The following NRXN3 variants were observed in gnomAD, a reference collection of about 807,000 sequenced individuals.
NRXN3 encodes the protein neurexin III.
A neutral mutation model predicts 137.6 loss-of-function variants in NRXN3; 32 were observed. The observed-to-expected ratio is 0.23, with a 90% confidence interval of 0.18 to 0.31. The LOEUF (loss-of-function observed/expected upper bound fraction) is 0.31, where lower values mean the gene tolerates loss of function less well. Among genes scored for constraint, NRXN3 ranks in the 10% least tolerant of loss-of-function variants. The pLI, the probability that NRXN3 is intolerant of heterozygous loss-of-function variation, is 1.00. For synonymous variants in NRXN3, 798 were observed against 784.5 expected, an observed-to-expected ratio of 1.02 and a Z score of -0.29; for missense variants, 1,574 against 2,062.5, an observed-to-expected ratio of 0.76 and a Z score of 4.59.
rs754614961 is a variant in NRXN3 at position 78,709,471 on chromosome 14, A to G, written c.1476A>G (p.Gln492=). 5 of 1,614,006 alleles carry G rather than the reference A, an allele frequency of 3.1e-6. No individual in the cohort carries two copies. The African/African-American group carries it at 4.0e-5, about 13-fold the overall frequency. Residue 492 remains glutamine (Q), a synonymous_variant, in exon 7 of 21, where the codon CAA becomes CAG. Transcript: ENST00000335750. ...GLILFTHGKP[Q]ERKDARSQKN... ...TCCTCTTCACTCATGGAAAGCCCCA[A>G]GAGAGGAAGGATGCTCGGAGCCAGA...
intron 1 of NRXN3, among the ~76,000 whole-genome samples, chr14:78,192,105 T>TGA (rs1333815025): frequency 4.9e-4 from 67 of 136,460 alleles, no homozygotes; most frequent in African/African-American, 1.4e-3. Flanking sequence ...TGTGTGTGTG[T>TGA]GTGAGAGAGA....
At chr14:78,387,725 G>C (rs2090177006) in intron 4 of NRXN3, among the ~76,000 whole-genome samples, 1 of 152,154 alleles carries the variant, frequency 6.6e-6, no homozygotes, top group African/African-American at 2.4e-5. Context: ...GAACATCTCT[G>C]ATCCAATAAG....
chr14:79,736,282 A>C (rs2154076125), intron 19 of NRXN3, among the ~76,000 whole-genome samples: 1 of 152,316 alleles, frequency 6.6e-6, no homozygotes, highest in South Asian at 2.1e-4. Context: ...AGTACTTATA[A>C]GGGTGAGTTT....
In NRXN3 at chr14:78,779,803, T is replaced by C. The variant is rs370867855; in HGVS notation, c.2045-23817T>C. On this transcript the variant is annotated intron_variant, in intron 8 of 20. Coordinates refer to ENST00000335750, the MANE Select transcript of NRXN3 (RefSeq NM_001330195.2). Reference sequence around the variant, plus strand: ...AAAAATGACAAAATATTATTGAAGATTATAAAGTCCTGAATAAGTCATCAA... The same window carrying C: ...AAAAATGACAAAATATTATTGAAGACTATAAAGTCCTGAATAAGTCATCAA... 4.6e-5 allele frequency among the ~76,000 whole-genome samples: 7 copies of C among 152,304 alleles called. No homozygotes were observed. In the East Asian group the frequency reaches 1.2e-3, roughly 25 times the overall value.
At chr14:79,378,225 C>G (rs766907455) in intron 15 of NRXN3, among the ~76,000 whole-genome samples, 3 of 152,050 alleles carry the variant, frequency 2.0e-5, no homozygotes, top group Non-Finnish European at 4.4e-5. Flanking sequence ...GAGAAGTGGC[C>G]GGGCAAGTGT....
intron 10 of NRXN3, among the ~76,000 whole-genome samples, chr14:78,942,516 A>C (rs1489165799): frequency 6.6e-6 from 1 of 152,210 alleles, no homozygotes; most frequent in Admixed American, 6.5e-5. Flanking sequence ...AAATTTGCCA[A>C]ATATATCATA....
chr14:78,635,794 C>A (rs184229329), intron 4 of NRXN3, among the ~76,000 whole-genome samples: 3 of 152,184 alleles, frequency 2.0e-5, no homozygotes, highest in Admixed American at 2.0e-4. Flanking sequence ...TCAAAAACTT[C>A]AAAATTCTAT....
chr14:79,245,425 G>A (rs1240191073), intron 15 of NRXN3, among the ~76,000 whole-genome samples: 1 of 152,024 alleles, frequency 6.6e-6, no homozygotes, highest in Non-Finnish European at 1.5e-5. Flanking sequence ...AGTAGGGAGA[G>A]AGAGAGAAGA....
chr14:78,452,456 C>T (rs898571041), intron 4 of NRXN3, among the ~76,000 whole-genome samples: 1 of 152,090 alleles, frequency 6.6e-6, no homozygotes, highest in Non-Finnish European at 1.5e-5. Context: ...CCAGTGACAC[C>T]CAGATGGTGA....
In NRXN3 at chr14:78,879,718, G is replaced by A. The variant is rs189574559; in HGVS notation, c.2275+69374G>A. ...AATTCCTCACCCTTTACACCTCCTT[G>A]CACTAGACACACTCATTTACAAACT... On this transcript the variant is annotated intron_variant, in intron 10 of 20. Coordinates refer to ENST00000335750, the MANE Select transcript of NRXN3 (RefSeq NM_001330195.2). Among the ~76,000 whole-genome samples, 574 of 152,170 alleles carry A rather than the reference G, an allele frequency of 3.8e-3. 3 individuals are homozygous for A. Among genetic ancestry groups the A allele is most frequent in the Non-Finnish European group, 5.1e-3 (346 of 68,010 alleles).
intron 19 of NRXN3, among the ~76,000 whole-genome samples, chr14:79,797,145 TA>T (rs1189744638): frequency 1.3e-5 from 2 of 152,198 alleles, no homozygotes; most frequent in Non-Finnish European, 2.9e-5. Flanking sequence ...ATATTCAGAA[TA>T]TTTTTTTAAT....
intron 4 of NRXN3, among the ~76,000 whole-genome samples, chr14:78,501,495 G>A (rs57932746): frequency 0.033 from 5,058 of 152,234 alleles, 239 homozygotes; most frequent in East Asian, 0.1. Context: ...TCTTTGGTAA[G>A]CTAAACTTGG....
At chr14:79,320,482 C>T (rs2089797236) in intron 15 of NRXN3, among the ~76,000 whole-genome samples, 1 of 152,152 alleles carries the variant, frequency 6.6e-6, no homozygotes, top group Non-Finnish European at 1.5e-5. Context: ...GGAAAACTTC[C>T]TCATTCTTCC....
At chr14:79,832,209 A>C (rs1010642336) in intron 20 of NRXN3, among the ~76,000 whole-genome samples, 1 of 152,162 alleles carries the variant, frequency 6.6e-6, no homozygotes, top group Non-Finnish European at 1.5e-5. Context: ...CAGTTGTTGA[A>C]TGAGTCGAGG....
intron 16 of NRXN3, among the ~76,000 whole-genome samples, chr14:79,533,166 AT>A (rs1461103753): frequency 6.6e-6 from 1 of 152,138 alleles, no homozygotes; most frequent in African/African-American, 2.4e-5. Flanking sequence ...ATGAAATGAT[AT>A]TGTTTTTATA....
rs538340254 is a variant in NRXN3 at position 79,107,455 on chromosome 14, A to C, written c.3262+119314A>C. Among the ~76,000 whole-genome samples the C allele has an allele frequency of 3.7e-4, 57 of 152,308 alleles. 1 individual carries two copies. Among genetic ancestry groups the C allele is most frequent in the African/African-American group, 1.3e-3 (56 of 41,582 alleles). On this transcript the variant is annotated intron_variant, in intron 15 of 20. Transcript: ENST00000335750. The stretch of plus-strand genomic sequence containing the variant: ...GAAGGCCATAGTAAGCAATTAAGAT[A>C]TAATTCCAAAAGCTATGGAAACATT...
chr14:78,477,931 C>G (rs184162987), intron 4 of NRXN3, among the ~76,000 whole-genome samples: 1 of 151,932 alleles, frequency 6.6e-6, no homozygotes, highest in Non-Finnish European at 1.5e-5. Flanking sequence ...CACAGGCTAA[C>G]GGGAAAGGAC....
chr14:78,914,546 G>A (rs1368896465), intron 10 of NRXN3, among the ~76,000 whole-genome samples: 1 of 152,150 alleles, frequency 6.6e-6, no homozygotes, highest in Non-Finnish European at 1.5e-5. Context: ...AAGATGGGTA[G>A]GAATGAGTGA....
At chr14:78,537,991 C>T (rs1424565171) in intron 4 of NRXN3, among the ~76,000 whole-genome samples, 7 of 152,108 alleles carry the variant, frequency 4.6e-5, no homozygotes, top group African/African-American at 1.7e-4. Flanking sequence ...GTAACAGTAC[C>T]ATGCTGTTTT....
Sources: allele counts gnomAD v4.1 joint callset (sites outside exome capture counted in the v4.1 genomes callset), GRCh38; gene constraint gnomAD v4.1.1; transcripts MANE v1.5; gene names NCBI Gene and HGNC (gene_info 2026-07-23, HGNC 2026-07-21).